Variants in PREP observed in about 807,000 individuals in gnomAD.
The protein encoded by PREP is prolyl endopeptidase.
Under a neutral mutation model 87.6 loss-of-function variants are expected in PREP, and 29 were observed. That is an observed-to-expected ratio of 0.33 (90% CI 0.25 to 0.45). The LOEUF (loss-of-function observed/expected upper bound fraction) is 0.45, where lower values mean the gene tolerates loss of function less well. Ranked by LOEUF, PREP falls within the 20% of genes least tolerant of loss-of-function variation. The pLI is 1.00. For missense variants in PREP, 695 were observed against 886.5 expected (o/e 0.78, Z 2.74); for synonymous variants, 337 against 328.6 (o/e 1.03, Z -0.28).
intron 2 of PREP, among the ~76,000 whole-genome samples, chr6:105,380,071 C>T (rs1661919972): frequency 6.6e-6 from 1 of 152,172 alleles, no homozygotes; most frequent in Non-Finnish European, 1.5e-5. Context: ...GGAAAAACCT[C>T]AATCCACAAA....
chr6:105,310,783 C>T (rs2114634407), intron 10 of PREP, among the ~76,000 whole-genome samples: 1 of 152,324 alleles, frequency 6.6e-6, no homozygotes, highest in East Asian at 1.9e-4. Context: ...GCTGAAGATT[C>T]CCACTTAAAA....
intron 11 of PREP, among the ~76,000 whole-genome samples, chr6:105,286,347 T>G (rs1231280743): frequency 2.0e-5 from 3 of 152,180 alleles, no homozygotes; most frequent in Non-Finnish European, 4.4e-5. Flanking sequence ...CAGAAATTTC[T>G]ATGGTAAATT....
At chr6:105,300,516 C>A (rs770531743) in intron 10 of PREP, among the ~76,000 whole-genome samples, 3 of 151,872 alleles carry the variant, frequency 2.0e-5, no homozygotes, top group Non-Finnish European at 4.4e-5. Flanking sequence ...TTTAAGTAAT[C>A]AATTAAATTT....
chr6:105,336,734 T>C (rs1194846099), intron 7 of PREP, among the ~76,000 whole-genome samples: 3 of 152,204 alleles, frequency 2.0e-5, no homozygotes, highest in African/African-American at 4.8e-5. Flanking sequence ...GCTTTTCTAG[T>C]TGTCTTCTGC....
At position 105,402,912 on chromosome 6, in the gene PREP, C is replaced by CG. The variant is rs748410958; in HGVS notation, c.-22_-21insC. 71 of 1,445,348 alleles carry CG rather than the reference C, an allele frequency of 4.9e-5. No homozygotes were observed. The highest frequency in any genetic ancestry group is 1.9e-6 in the Non-Finnish European group (2 of 1,071,444). 89.5% of individuals were successfully genotyped at this position (1,445,348 alleles called of 1,614,324 possible). On this transcript the variant is annotated 5_prime_UTR_variant, in exon 1 of 15. Coordinates refer to ENST00000652536, the MANE Select transcript of PREP (RefSeq NM_002726.5). ...AGCATGGCCGGGGACAGGCAGGGGG[C>CG]AGCGTGGAGGGGCGCGGGCTCCGGG... is the stretch of plus-strand genomic sequence containing the variant.
chr6:105,356,125 G>A (rs1772094048), intron 6 of PREP, among the ~76,000 whole-genome samples: 2 of 151,802 alleles, frequency 1.3e-5, no homozygotes, highest in South Asian at 4.2e-4. Context: ...TTTTTAACTG[G>A]ATTCTGGGCT....
At chr6:105,317,049 G>A (rs186308443) in intron 10 of PREP, among the ~76,000 whole-genome samples, 150 of 150,752 alleles carry the variant, frequency 1.0e-3, no homozygotes, top group Non-Finnish European at 1.8e-3. Context: ...GGGCTCAAAT[G>A]ATCATCCTGC....
intron 2 of PREP, among the ~76,000 whole-genome samples, chr6:105,381,291 T>G (rs1055329627): frequency 1.3e-5 from 2 of 152,238 alleles, no homozygotes; most frequent in Admixed American, 6.5e-5. Flanking sequence ...AGAAAATTTC[T>G]GTAAAGAAGC....
intron 2 of PREP, among the ~76,000 whole-genome samples, chr6:105,387,645 AAAAG>A (rs1353587736): frequency 6.6e-6 from 1 of 150,680 alleles, no homozygotes; most frequent in Non-Finnish European, 1.5e-5. Flanking sequence ...AAGAAAAAGA[AAAAG>A]AAAGAAAAAG....
chr6:105,309,786 T>C (rs973630077), intron 10 of PREP, among the ~76,000 whole-genome samples: 1 of 152,180 alleles, frequency 6.6e-6, no homozygotes, highest in Non-Finnish European at 1.5e-5. Context: ...GGCCAATCCT[T>C]CTTCTTATGG....
In PREP at chr6:105,328,913, G is replaced by A. The variant is rs1255034501; in HGVS notation, c.1129C>T (p.Leu377Phe). Residue 377 changes from leucine to phenylalanine, a missense_variant, in exon 9 of 15, where the codon CTC becomes TTC. Physicochemically the swap from Leu to Phe is conservative, Grantham distance 22. Coordinates refer to ENST00000652536, the MANE Select transcript of PREP (RefSeq NM_002726.5). ...TACCCTACAATGCTGCCGACATCGA[G>A]CGGGAAGGTCTTAAGGAGAGCACCA... The part of the protein sequence containing the change: ...TTGALLKTFP[L>F]DVGSIVGYSG... The A allele has an allele frequency of 6.2e-7, 1 of 1,614,144 alleles. No individual in the cohort carries two copies. Among genetic ancestry groups the A allele is most frequent in the Non-Finnish European group, 8.5e-7 (1 of 1,180,022 alleles).
At chr6:105,374,181 G>A (rs1004158951) in intron 4 of PREP, among the ~76,000 whole-genome samples, 5 of 152,186 alleles carry the variant, frequency 3.3e-5, no homozygotes, top group Admixed American at 6.5e-5. Flanking sequence ...CATTCCACAA[G>A]AAATTGTGAA....
chr6:105,305,261 A>G (rs1480678316), intron 10 of PREP, among the ~76,000 whole-genome samples: 1 of 152,202 alleles, frequency 6.6e-6, no homozygotes, highest in Non-Finnish European at 1.5e-5. Context: ...AAAAGGGTGA[A>G]CTACTAAAGA....
At chr6:105,367,956 C>T (rs1481355148) in intron 6 of PREP, among the ~76,000 whole-genome samples, 1 of 152,040 alleles carries the variant, frequency 6.6e-6, no homozygotes, top group Non-Finnish European at 1.5e-5. Context: ...GTTTTTTTTA[C>T]TAACCCCTGG....
intron 2 of PREP, among the ~76,000 whole-genome samples, chr6:105,392,090 G>A (rs1016152031): frequency 9.4e-5 from 14 of 149,582 alleles, no homozygotes; most frequent in Non-Finnish European, 2.1e-4. Flanking sequence ...TGTCACCCAG[G>A]CTGGAGTGCA....
intron 2 of PREP, among the ~76,000 whole-genome samples, chr6:105,379,637 G>A (rs1418188859): frequency 2.0e-5 from 3 of 152,220 alleles, no homozygotes; most frequent in Non-Finnish European, 2.9e-5. Flanking sequence ...AGGAAAGAAG[G>A]AAGACGCAAC....
chr6:105,326,565 A>G (rs1191291711), intron 9 of PREP, among the ~76,000 whole-genome samples: 1 of 152,218 alleles, frequency 6.6e-6, no homozygotes, highest in Non-Finnish European at 1.5e-5. Flanking sequence ...GGGGCTTTAC[A>G]TATAATTGAG....
At position 105,274,951 on chromosome 6, in the gene PREP, G is replaced by A. The variant is rs1255082474; in HGVS notation, c.*3193C>T. ...GCAGCGGGTGGCACAGGGTAAACAT[G>A]AGCAAGATAATTTACCATCTGTCTC... On this transcript the variant is annotated 3_prime_UTR_variant, in exon 15 of 15. Transcript: ENST00000652536. Among the ~76,000 whole-genome samples the A allele has an allele frequency of 1.3e-5, 2 of 152,194 alleles. No homozygotes were observed. The highest frequency in any genetic ancestry group is 4.8e-5 in the African/African-American group (2 of 41,438).
chr6:105,313,439 C>T (rs945729103), intron 10 of PREP, among the ~76,000 whole-genome samples: 4 of 152,174 alleles, frequency 2.6e-5, no homozygotes, highest in African/African-American at 9.7e-5. Context: ...GTTTTGCTGG[C>T]AAACTAAAAT....
Sources: gnomAD v4.1 joint callset for allele counts (sites outside exome capture counted in the v4.1 genomes callset) on GRCh38, gnomAD v4.1.1 for gene constraint, MANE v1.5 for transcripts, NCBI Gene and HGNC (gene_info 2026-07-23, HGNC 2026-07-21) for gene names.